Variants in METRNL observed in about 807,000 individuals in gnomAD.
The protein encoded by METRNL is meteorin-like protein.
Under a neutral mutation model 17.4 loss-of-function variants are expected in METRNL, and 9 were observed. The ratio of observed to expected loss-of-function variants is 0.52; its 90% CI spans 0.31 to 0.90. The LOEUF (loss-of-function observed/expected upper bound fraction) is 0.90. Ranked by LOEUF, METRNL falls within the 40% of genes least tolerant of loss-of-function variation. The pLI is 0.05. For synonymous variants in METRNL, 215 were observed against 199.3 expected, an observed-to-expected ratio of 1.08 and a Z score of -0.66; for missense variants, 408 against 430.7, an observed-to-expected ratio of 0.95 and a Z score of 0.47.
chr17:83,093,058 C>T, intron 2 of METRNL, 109 bp from the exon 3 acceptor site: 1 of 865,476 alleles, frequency 1.2e-6, no homozygotes, highest in East Asian at 2.6e-5. Context: ...GACGTGGACA[C>T]CCTCCCTGAC....
intron 2 of METRNL, among the ~76,000 whole-genome samples, chr17:83,091,583 T>TC (rs1220142482): frequency 6.6e-6 from 1 of 152,122 alleles, no homozygotes. Flanking sequence ...TGCTGCCCTG[T>TC]CCCCTGGGAC....
At chr17:83,090,096 G>T (rs1487895414) in intron 2 of METRNL, among the ~76,000 whole-genome samples, 3 of 151,430 alleles carry the variant, frequency 2.0e-5, no homozygotes, top group African/African-American at 2.4e-5. Context: ...GACGCATGTG[G>T]CTGGGCCTGT....
chr17:83,091,420 C>A (rs1353604586), intron 2 of METRNL, among the ~76,000 whole-genome samples: 1 of 152,214 alleles, frequency 6.6e-6, no homozygotes, highest in Non-Finnish European at 1.5e-5. Context: ...CTCCACCCTG[C>A]GGGGTCCACA....
intron 2 of METRNL, among the ~76,000 whole-genome samples, chr17:83,087,558 T>C (rs1350854578): frequency 6.6e-6 from 1 of 152,262 alleles, no homozygotes; most frequent in South Asian, 2.1e-4. Context: ...TCGCCTTTCA[T>C]CAGGGGACGG....
At position 83,091,373 on chromosome 17, in the gene METRNL, G is replaced by A. The variant is rs151160427; in HGVS notation, c.557-1794G>A. 5.1e-3 allele frequency among the ~76,000 whole-genome samples: 784 copies of A among 152,362 alleles called. 11 individuals are homozygous for A. Among genetic ancestry groups the A allele is most frequent in the Non-Finnish European group, 7.3e-3 (495 of 68,026 alleles). On this transcript the variant is annotated intron_variant, in intron 2 of 3. Transcript: ENST00000320095. Reference sequence around the variant, plus strand: ...TGGGAGGCGCCCTCACCCCTGCCTGGCGGAAAGTGCTGGCCTTGTCTCTGG... The same window carrying A: ...TGGGAGGCGCCCTCACCCCTGCCTGACGGAAAGTGCTGGCCTTGTCTCTGG...
At chr17:83,093,128 C>T in intron 2 of METRNL, 39 bp from the exon 3 acceptor site, 1 of 1,582,878 alleles carries the variant, frequency 6.3e-7, no homozygotes, top group African/African-American at 1.3e-5. Context: ...AGAGCCTGTC[C>T]CGTCCAGGCT....
intron 2 of METRNL, 134 bp from the exon 3 acceptor site, chr17:83,093,033 T>C: frequency 2.9e-6 from 2 of 683,776 alleles, no homozygotes; most frequent in South Asian, 3.4e-5. Context: ...GTGGCGTTGG[T>C]CACAAAGGTG....
At chr17:83,087,015 T>C (rs1193698728) in intron 2 of METRNL, among the ~76,000 whole-genome samples, 1 of 152,096 alleles carries the variant, frequency 6.6e-6, no homozygotes, top group Admixed American at 6.5e-5. Context: ...CTTGGGGTCC[T>C]GTGGGGTTGC....
chr17:83,093,215 C>T lies in METRNL; in HGVS notation c.605C>T (p.Thr202Ile). Reference protein sequence around the residue: ...SDTEVLLAVCTSDFAVRGSIQ... With the variant: ...SDTEVLLAVCISDFAVRGSIQ... ...ACCGAGGTGCTCCTAGCCGTCTGCACCAGCGACTTCGGTGAGTGTCTCCTC... is the reference window on the plus strand; with the variant it reads ...ACCGAGGTGCTCCTAGCCGTCTGCATCAGCGACTTCGGTGAGTGTCTCCTC... The change falls in exon 3 of 4, where the codon ACC becomes ATC. Residue 202 changes from threonine (T) to isoleucine (I), a missense_variant. Coordinates refer to ENST00000320095, the MANE Select transcript of METRNL (RefSeq NM_001004431.3). 1 of 1,608,002 alleles carries T rather than the reference C, an allele frequency of 6.2e-7. No individual in the cohort carries two copies. Among genetic ancestry groups the T allele is most frequent in the Non-Finnish European group, 8.5e-7 (1 of 1,179,752 alleles).
chr17:83,080,536 C>T (rs1407612888), intron 1 of METRNL, among the ~76,000 whole-genome samples: 2 of 126,334 alleles, frequency 1.6e-5, no homozygotes, highest in African/African-American at 5.7e-5. Context: ...TCAGGCCGCC[C>T]TTGGCCGCGG....
At chr17:83,093,144 C>A (rs1193392422) in intron 2 of METRNL, 23 bp from the exon 3 acceptor site, 2 of 1,604,546 alleles carry the variant, frequency 1.2e-6, no homozygotes, top group Non-Finnish European at 1.7e-6. Flanking sequence ...AGGCTGCTTC[C>A]TGACTCTGCC....
Position 83,094,466 on chromosome 17 carries a change from A to G in METRNL, c.827A>G (p.His276Arg). 1 of 1,588,530 alleles carries G rather than the reference A, an allele frequency of 6.3e-7. No individual in the cohort carries two copies. Among genetic ancestry groups the G allele is most frequent in the Non-Finnish European group, 8.6e-7 (1 of 1,161,530 alleles). Residue 276 changes from histidine to arginine, a missense_variant, in exon 4 of 4, where the codon CAC (histidine) becomes CGC (arginine). His to Arg is a conservative substitution (Grantham distance 29). Transcript: ENST00000320095. ...GACTTCCTCTTCACTGGCCACATGCACTTCGGGGAGGCGCGGCTCGGCTGT... is the reference window on the plus strand; with the variant it reads ...GACTTCCTCTTCACTGGCCACATGCGCTTCGGGGAGGCGCGGCTCGGCTGT... Reference protein sequence around the residue: ...HGDFLFTGHMHFGEARLGCAP... With the variant: ...HGDFLFTGHMRFGEARLGCAP...
chr17:83,089,766 A>G (rs1600490520), intron 2 of METRNL, among the ~76,000 whole-genome samples: 1 of 152,090 alleles, frequency 6.6e-6, no homozygotes, highest in African/African-American at 2.4e-5. Context: ...ACCGGCGTCC[A>G]CCCTGCATTC....
rs180976007 is a variant in METRNL at position 83,094,628 on chromosome 17, G to A, written c.*53G>A. ...TGATGAGTCACAGGCTGCGGTGGGC[G>A]CTGCGGTCCTGGTGGGGCCGTGCGG... On this transcript the variant is annotated 3_prime_UTR_variant, in exon 4 of 4. Transcript: ENST00000320095. 804 of 1,376,254 alleles carry A rather than the reference G, an allele frequency of 5.8e-4. 9 individuals carry two copies. In the East Asian group the frequency reaches 0.018, roughly 30 times the overall value. The allele number at this position is 1,376,254 out of a possible 1,614,324, so 85.3% of individuals were successfully genotyped here. A position where few individuals can be genotyped will look rare whatever the true frequency, so the allele number is the denominator to read the frequency against.
intron 1 of METRNL, among the ~76,000 whole-genome samples, chr17:83,081,919 T>G (rs1381451595): frequency 6.6e-6 from 1 of 152,228 alleles, no homozygotes; most frequent in Non-Finnish European, 1.5e-5. Flanking sequence ...CTCCGGTGTT[T>G]GTGACTTTTT....
intron 1 of METRNL, among the ~76,000 whole-genome samples, chr17:83,080,864 G>A (rs894365125): frequency 4.7e-5 from 7 of 148,218 alleles, no homozygotes; most frequent in Non-Finnish European, 1.0e-4. Context: ...CGCGGCCCCC[G>A]CCCCCGCCCC....
Position 83,093,233 on chromosome 17 carries a change from G to A in METRNL, c.616+7G>A, listed in dbSNP as rs2038162033. On this transcript the variant is annotated splice_region_variant and intron_variant, in intron 3 of 3. Coordinates refer to ENST00000320095, the MANE Select transcript of METRNL (RefSeq NM_001004431.3). Reference sequence around the variant, plus strand: ...GTCTGCACCAGCGACTTCGGTGAGTGTCTCCTCGGCAGCTTCTACCTCCTG... The same window carrying A: ...GTCTGCACCAGCGACTTCGGTGAGTATCTCCTCGGCAGCTTCTACCTCCTG... 7 of 1,606,288 alleles carry A rather than the reference G, an allele frequency of 4.4e-6. No homozygotes were observed. The highest frequency in any genetic ancestry group is 4.2e-6 in the Non-Finnish European group (5 of 1,178,786).
At chr17:83,085,983 C>T (rs1362562943) in intron 2 of METRNL, among the ~76,000 whole-genome samples, 2 of 152,210 alleles carry the variant, frequency 1.3e-5, no homozygotes, top group Non-Finnish European at 2.9e-5. Flanking sequence ...AAACAGACAG[C>T]TTCCCTGTGT....
Position 83,079,743 on chromosome 17 carries a change from C to G in METRNL, c.-73C>G. On this transcript the variant is annotated 5_prime_UTR_variant, in exon 1 of 4. Coordinates refer to ENST00000320095, the MANE Select transcript of METRNL (RefSeq NM_001004431.3). ...GACTCGAAGCCCGCCCCGCCCCCGC[C>G]CGGCTCGCCGGCTCCGGGGTCTGCT... The G allele has an allele frequency of 1.4e-6, 1 of 714,362 alleles. No homozygotes were observed. The highest frequency in any genetic ancestry group is 1.7e-6 in the Non-Finnish European group (1 of 586,388). 44.3% of individuals were successfully genotyped at this position (714,362 alleles called of 1,614,324 possible).
Sources: allele counts gnomAD v4.1 joint callset (sites outside exome capture counted in the v4.1 genomes callset), GRCh38; gene constraint gnomAD v4.1.1; transcripts MANE v1.5; gene names NCBI Gene and HGNC (gene_info 2026-07-23, HGNC 2026-07-21).